The following KIF13A variants were observed in gnomAD, a reference collection of about 807,000 sequenced individuals.
KIF13A encodes the protein kinesin family member 13A.
A neutral mutation model predicts 212.2 loss-of-function variants in KIF13A; 79 were observed. The observed-to-expected ratio is 0.37, with a 90% CI of 0.31 to 0.45. The LOEUF is 0.45. KIF13A is among the 20% of genes least tolerant of loss of function. KIF13A has a pLI of 1.00. For synonymous variants in KIF13A, 789 were observed against 808.6 expected (o/e 0.98, Z 0.41); for missense variants, 1,901 against 2,209.0 (o/e 0.86, Z 2.79).
chr6:17,837,143 T>C lies in KIF13A; in HGVS notation c.943-53A>G, dbSNP rs1187720264. On this transcript the variant is annotated intron_variant, in intron 10 of 38. Transcript: ENST00000259711. This position sits in a 1 kb window ranked among gnomAD's most constrained non-coding sequence, Gnocchi z 5.4. Reference sequence around the variant, plus strand: ...GGAAGCCCATTCCATGGACAACACATATGATAAAAGCACTAAATGTGTTAG... The same window carrying C: ...GGAAGCCCATTCCATGGACAACACACATGATAAAAGCACTAAATGTGTTAG... The C allele has an allele frequency of 6.8e-7, 1 of 1,472,294 alleles. No homozygotes were observed. Among genetic ancestry groups the C allele is most frequent in the Non-Finnish European group, 9.5e-7 (1 of 1,055,468 alleles). The allele number at this position is 1,472,294 out of a possible 1,614,324, so 91.2% of individuals were successfully genotyped here.
chr6:17,930,359 A>G (rs1775884678), intron 2 of KIF13A, among the ~76,000 whole-genome samples: 1 of 152,232 alleles, frequency 6.6e-6, no homozygotes, highest in South Asian at 2.1e-4. Flanking sequence ...GCTTCCTAAT[A>G]CAGGCACTGA....
At chr6:17,779,417 C>A (rs182849129) in intron 32 of KIF13A, among the ~76,000 whole-genome samples, 175 bp downstream of exon 32, 3,802 of 146,218 alleles carry the variant, frequency 0.026, 73 homozygotes, top group Non-Finnish European at 0.041. Context: ...GGATTACAGG[C>A]ATGCGCCACC....
rs369829860 is a variant in KIF13A, at chr6:17,764,740, G to A, written c.4788C>T (p.Thr1596=). 5.6e-6 allele frequency: 9 copies of A among 1,612,896 alleles called. No individual in the cohort carries two copies. The African/African-American group carries it at 1.1e-4, about 19-fold the overall frequency. ...VSRSPTTSSI[T]SGYFSHSASN... ...AGGCACTGTGGGAAAAGTAGCCACT[G>A]GTAATACTGCTGGTGGTAGGGCTAC... is the stretch of plus-strand genomic sequence containing the variant. Residue 1596 remains threonine, a synonymous_variant, in exon 39 of 39, where the codon ACC becomes ACT. Coordinates refer to ENST00000259711, the MANE Select transcript of KIF13A (RefSeq NM_022113.6). This position sits in a 1 kb window ranked among gnomAD's most constrained non-coding sequence, Gnocchi z 5.1.
chr6:17,903,243 C>T (rs2150490595), intron 2 of KIF13A, among the ~76,000 whole-genome samples: 1 of 152,266 alleles, frequency 6.6e-6, no homozygotes, highest in East Asian at 1.9e-4. Flanking sequence ...CTTTGACATG[C>T]TAATATATGT....
At position 17,816,981 on chromosome 6, in the gene KIF13A, G is replaced by A; in HGVS notation, c.2000+39C>T. 1 of 1,548,510 alleles carries A rather than the reference G, an allele frequency of 6.5e-7. No individual in the cohort carries two copies. The highest frequency in any genetic ancestry group is 8.8e-7 in the Non-Finnish European group (1 of 1,140,244). ...CCCTCCCTCAAAGACCCACGGCCTT[G>A]GGGCCTTGACTCTGGGCTGCCCCCG... On this transcript the variant is annotated intron_variant, in intron 17 of 38. Coordinates refer to ENST00000259711, the MANE Select transcript of KIF13A (RefSeq NM_022113.6). The surrounding 1 kb of genome is among the most constrained non-coding windows in gnomAD (Gnocchi z 4.3).
intron 2 of KIF13A, among the ~76,000 whole-genome samples, chr6:17,985,632 CG>C (rs1554128614): frequency 5.2e-5 from 2 of 38,208 alleles, no homozygotes; most frequent in African/African-American, 2.5e-4. Context: ...ATGCAGTTTG[CG>C]GGGGGGTGGG....
Position 17,963,631 on chromosome 6 carries a change from A to G in KIF13A, c.146+23423T>C, listed in dbSNP as rs1420506691. ...GGAGTGCTGCGCGTGATCGCAGCTT[A>G]CTGCAACCTCCGCCTCCTGGGTTCC... On this transcript the variant is annotated intron_variant, in intron 2 of 38. Transcript: ENST00000259711. The surrounding 1 kb of genome is among the most constrained non-coding windows in gnomAD (Gnocchi z 4.1). Among the ~76,000 whole-genome samples the G allele has an allele frequency of 6.6e-6, 1 of 152,144 alleles. No homozygotes were observed. Among genetic ancestry groups the G allele is most frequent in the East Asian group, 1.9e-4 (1 of 5,166 alleles).
At chr6:17,986,603 A>G (rs1781574203) in intron 2 of KIF13A, among the ~76,000 whole-genome samples, 1 of 152,248 alleles carries the variant, frequency 6.6e-6, no homozygotes, top group Non-Finnish European at 1.5e-5. Flanking sequence ...CCCATTTTAG[A>G]CACACTGTCC....
Position 17,826,259 on chromosome 6 carries a change from A to G in KIF13A, c.1533-135T>C. On this transcript the variant is annotated intron_variant, in intron 14 of 38. Transcript: ENST00000259711. The surrounding 1 kb of genome is among the most constrained non-coding windows in gnomAD (Gnocchi z 4.7). ...CTAACGCTTAAAGAAGGAAGAGCAG[A>G]ATGTGTAACCACTATGAAAACACAC... 1 of 662,746 alleles carries G rather than the reference A, an allele frequency of 1.5e-6. No homozygotes were observed. The highest frequency in any genetic ancestry group is 2.6e-6 in the Non-Finnish European group (1 of 381,222). 41.1% of individuals were successfully genotyped at this position (662,746 alleles called of 1,614,324 possible).
intron 6 of KIF13A, among the ~76,000 whole-genome samples, chr6:17,854,546 A>ATTTTTT (rs36073765): frequency 9.1e-5 from 7 of 77,094 alleles, no homozygotes; most frequent in Non-Finnish European, 1.1e-4. Context: ...AATCAGTATA[A>ATTTTTT]TTTTTTTTTT....
chr6:17,931,777 G>C (rs1044829397), intron 2 of KIF13A, among the ~76,000 whole-genome samples: 1 of 152,080 alleles, frequency 6.6e-6, no homozygotes, highest in African/African-American at 2.4e-5. Context: ...GTAGGTATTA[G>C]AGCCTCAGAA....
At chr6:17,779,550 G>T in intron 32 of KIF13A, 42 bp downstream of exon 32, 1 of 884,280 alleles carries the variant, frequency 1.1e-6, no homozygotes, top group Non-Finnish European at 1.8e-6. Flanking sequence ...GGGATTACAG[G>T]CATGAGCCAC....
chr6:17,984,505 C>T lies in KIF13A; in HGVS notation c.146+2549G>A, dbSNP rs1781377354. 12 of 984,834 alleles carry T rather than the reference C, an allele frequency of 1.2e-5. No homozygotes were observed. The highest frequency in any genetic ancestry group is 1.2e-5 in the Non-Finnish European group (10 of 829,468). The allele number at this position is 984,834 out of a possible 1,614,324, so 61.0% of individuals were successfully genotyped here. ...AACAAACATCTTTAACCTCAGAGAT[C>T]CTCTGATCTTTTAGTCCTAGCTACA... On this transcript the variant is annotated intron_variant, in intron 2 of 38. Transcript: ENST00000259711. This position sits in a 1 kb window ranked among gnomAD's most constrained non-coding sequence, Gnocchi z 5.0.
At chr6:17,798,707 T>C (rs1333668110) in intron 22 of KIF13A, among the ~76,000 whole-genome samples, 4 of 152,244 alleles carry the variant, frequency 2.6e-5, no homozygotes, top group Non-Finnish European at 5.9e-5. Context: ...GAGTATATGA[T>C]GTCTCAAAGG....
Position 17,968,260 on chromosome 6 carries a change from C to G in KIF13A, c.146+18794G>C, listed in dbSNP as rs1779499199. ...TAAGCAGGCCAGCAGCCCTGCCACT[C>G]ACAGGGCTGTCCCAGATTCACAGGC... On this transcript the variant is annotated intron_variant, in intron 2 of 38. Coordinates refer to ENST00000259711, the MANE Select transcript of KIF13A (RefSeq NM_022113.6). This position sits in a 1 kb window ranked among gnomAD's most constrained non-coding sequence, Gnocchi z 4.7. Among the ~76,000 whole-genome samples the G allele has an allele frequency of 6.6e-6, 1 of 152,218 alleles. No individual in the cohort carries two copies. Among genetic ancestry groups the G allele is most frequent in the Admixed American group, 6.5e-5 (1 of 15,290 alleles).
chr6:17,975,602 G>A (rs1709741333), intron 2 of KIF13A, among the ~76,000 whole-genome samples: 1 of 152,156 alleles, frequency 6.6e-6, no homozygotes, highest in Non-Finnish European at 1.5e-5. Flanking sequence ...CCGCTAGTTC[G>A]GGCAGCCTGC....
rs1761099920 is a variant in KIF13A, at chr6:17,786,816, G to T, written c.3361+960C>A. Among the ~76,000 whole-genome samples, 1 of 152,150 alleles carries T rather than the reference G, an allele frequency of 6.6e-6. No homozygotes were observed. Among genetic ancestry groups the T allele is most frequent in the African/African-American group, 2.4e-5 (1 of 41,436 alleles). On this transcript the variant is annotated intron_variant, in intron 27 of 38. Coordinates refer to ENST00000259711, the MANE Select transcript of KIF13A (RefSeq NM_022113.6). This position sits in a 1 kb window ranked among gnomAD's most constrained non-coding sequence, Gnocchi z 5.4. ...AAGGCGACATCACATGTTGAGCCAA[G>T]GTGTTTTCCTGAGGGAGACTTTCTG...
In KIF13A at chr6:17,972,088, A is replaced by G. The variant is rs563990741; in HGVS notation, c.146+14966T>C. Among the ~76,000 whole-genome samples the G allele has an allele frequency of 1.1e-3, 164 of 152,330 alleles. 5 individuals carry two copies. The South Asian group carries it at 0.034, about 32-fold the overall frequency. ...AAACTTAAAGCGATATTACCATGCTAATGTTACCTATTTGTACTGTAACTC... is the reference window on the plus strand; with the variant it reads ...AAACTTAAAGCGATATTACCATGCTGATGTTACCTATTTGTACTGTAACTC... On this transcript the variant is annotated intron_variant, in intron 2 of 38. Transcript: ENST00000259711.
At chr6:17,760,671 TG>T, downstream of KIF13A, 2 of 605,288 alleles carry the variant, frequency 3.3e-6, no homozygotes, top group Non-Finnish European at 6.0e-6. Context: ...AGTGACAAAG[TG>T]CCGCTTCTCC....
Sources: gnomAD v4.1 joint callset for allele counts (sites outside exome capture counted in the v4.1 genomes callset) on GRCh38, gnomAD v4.1.1 for gene constraint, Gnocchi (gnomAD v3.1) non-coding constraint, MANE v1.5 for transcripts, NCBI Gene and HGNC (gene_info 2026-07-23, HGNC 2026-07-21) for gene names.